BRINP3: variants seen among roughly 807,000 people sequenced by gnomAD.
BRINP3 encodes BMP/retinoic acid inducible neural specific 3.
In BRINP3, 19 loss-of-function variants were observed where a neutral mutation model predicts 71.0. The observed-to-expected ratio is 0.27, with a 90% CI of 0.19 to 0.39. The LOEUF is 0.39. Ranked by LOEUF, BRINP3 falls within the 10% of genes least tolerant of loss-of-function variation. The probability of loss-of-function intolerance (pLI) is 1.00; values close to 1 mark genes in which losing one functional copy is unlikely to be tolerated. For missense variants in BRINP3, 959 were observed against 940.8 expected, an observed-to-expected ratio of 1.02 and a Z score of -0.25; for synonymous variants, 380 against 337.7, an observed-to-expected ratio of 1.13 and a Z score of -1.37.
intron 6 of BRINP3, among the ~76,000 whole-genome samples, chr1:190,216,549 C>G (rs1410337842): frequency 6.6e-6 from 1 of 151,772 alleles, no homozygotes; most frequent in Non-Finnish European, 1.5e-5. Context: ...TTTTAAAATT[C>G]GCTGACACTT....
intron 4 of BRINP3, among the ~76,000 whole-genome samples, chr1:190,252,660 T>G (rs1660253088): frequency 6.6e-6 from 1 of 152,074 alleles, no homozygotes; most frequent in Admixed American, 6.6e-5. Context: ...AATTAGCATT[T>G]ATTGAGCTCC....
At chr1:190,453,310 T>G (rs1675771200) in intron 2 of BRINP3, among the ~76,000 whole-genome samples, 1 of 133,630 alleles carries the variant, frequency 7.5e-6, no homozygotes, top group Non-Finnish European at 1.5e-5. Flanking sequence ...AAGCTCCACC[T>G]CCCGAGTTCA....
intron 7 of BRINP3, among the ~76,000 whole-genome samples, chr1:190,121,874 C>A (rs988765995): frequency 6.6e-6 from 1 of 151,860 alleles, no homozygotes; most frequent in South Asian, 2.1e-4. Context: ...TAAATAAATG[C>A]AAGAGGAATT....
chr1:190,353,897 T>G (rs1668563518), intron 2 of BRINP3, among the ~76,000 whole-genome samples: 1 of 152,024 alleles, frequency 6.6e-6, no homozygotes, highest in African/African-American at 2.4e-5. Context: ...TTCTCTGTTT[T>G]ATCAGCTGAT....
intron 3 of BRINP3, among the ~76,000 whole-genome samples, chr1:190,279,747 G>C (rs1662894836): frequency 6.6e-6 from 1 of 151,764 alleles, no homozygotes; most frequent in African/African-American, 2.4e-5. Context: ...TCTTACTTGG[G>C]TACTGATTCT....
chr1:190,470,988 T>C (rs1007319147), intron 1 of BRINP3, among the ~76,000 whole-genome samples: 1 of 151,136 alleles, frequency 6.6e-6, no homozygotes, highest in Non-Finnish European at 1.5e-5. Flanking sequence ...ACATTAAGTG[T>C]AGAGGAGTGG....
At chr1:190,447,991 A>G (rs1305789465) in intron 2 of BRINP3, among the ~76,000 whole-genome samples, 2 of 151,704 alleles carry the variant, frequency 1.3e-5, no homozygotes, top group Non-Finnish European at 3.0e-5. Context: ...GCTTTTTAGT[A>G]TACATTTGTA....
At chr1:190,304,353 C>T (rs1007829569) in intron 2 of BRINP3, among the ~76,000 whole-genome samples, 2 of 151,670 alleles carry the variant, frequency 1.3e-5, no homozygotes, top group African/African-American at 4.8e-5. Flanking sequence ...TTATCCTTCA[C>T]AAATCATCAC....
At chr1:190,419,018 A>G (rs1488069916) in intron 2 of BRINP3, among the ~76,000 whole-genome samples, 2 of 152,058 alleles carry the variant, frequency 1.3e-5, no homozygotes, top group African/African-American at 4.8e-5. Context: ...TTTCATACAA[A>G]ATCTGAATTA....
intron 4 of BRINP3, among the ~76,000 whole-genome samples, chr1:190,251,772 T>A (rs1294575324): frequency 2.0e-5 from 3 of 150,640 alleles, no homozygotes; most frequent in Non-Finnish European, 4.4e-5. Context: ...TCACTTAATA[T>A]GATATTTAAC....
intron 2 of BRINP3, among the ~76,000 whole-genome samples, chr1:190,305,685 A>T (rs1217919105): frequency 6.6e-6 from 1 of 151,782 alleles, no homozygotes; most frequent in African/African-American, 2.4e-5. Flanking sequence ...TAGGATGACT[A>T]GTTAACAATG....
At chr1:190,192,894 T>G (rs993510027) in intron 6 of BRINP3, among the ~76,000 whole-genome samples, 3 of 152,118 alleles carry the variant, frequency 2.0e-5, no homozygotes, top group Non-Finnish European at 2.9e-5. Context: ...GGTAATAATG[T>G]ATTGTTTAAT....
In BRINP3 at chr1:190,425,462, A is replaced by C. The variant is rs375607695; in HGVS notation, c.236+29193T>G. Among the ~76,000 whole-genome samples the C allele has an allele frequency of 4.6e-5, 7 of 151,806 alleles. No individual in the cohort carries two copies. In the East Asian group the frequency reaches 9.7e-4, roughly 21 times the overall value. ...TCAATCAATCTCTAGTGGCCAATTT[A>C]TTTCAACAATGGAGAAAGCTCACAG... is the stretch of plus-strand genomic sequence containing the variant. On this transcript the variant is annotated intron_variant, in intron 2 of 7. Transcript: ENST00000367462.
At chr1:190,267,993 T>A (rs781670095) in intron 3 of BRINP3, among the ~76,000 whole-genome samples, 7 of 152,058 alleles carry the variant, frequency 4.6e-5, no homozygotes, top group Non-Finnish European at 7.4e-5. Context: ...TACAATATAT[T>A]TTACAATTAA....
At chr1:190,338,448 C>A (rs1667433932) in intron 2 of BRINP3, among the ~76,000 whole-genome samples, 2 of 152,046 alleles carry the variant, frequency 1.3e-5, no homozygotes, top group Admixed American at 6.6e-5. Flanking sequence ...GGCTACTTAT[C>A]ATTTCAACTC....
intron 2 of BRINP3, among the ~76,000 whole-genome samples, chr1:190,290,755 T>A (rs899934308): frequency 6.6e-6 from 1 of 152,116 alleles, no homozygotes; most frequent in African/African-American, 2.4e-5. Flanking sequence ...TAGAAATAAA[T>A]TCTCCGAGGC....
intron 2 of BRINP3, among the ~76,000 whole-genome samples, chr1:190,432,911 G>A (rs1674194155): frequency 1.3e-5 from 2 of 152,028 alleles, no homozygotes. Flanking sequence ...TATAAACATA[G>A]TCTATGTTTG....
intron 2 of BRINP3, among the ~76,000 whole-genome samples, chr1:190,413,740 A>AT (rs2102421470): frequency 6.6e-6 from 1 of 152,318 alleles, no homozygotes; most frequent in African/African-American, 2.4e-5. Flanking sequence ...TATTTCTATT[A>AT]TTTTAAGCCA....
chr1:190,180,862 A>G (rs1436606891), intron 6 of BRINP3, among the ~76,000 whole-genome samples: 2 of 152,106 alleles, frequency 1.3e-5, no homozygotes, highest in East Asian at 1.9e-4. Flanking sequence ...CAAAAAAAGT[A>G]CAGACATAAT....
Sources: gnomAD v4.1 joint callset for allele counts (sites outside exome capture counted in the v4.1 genomes callset) on GRCh38, gnomAD v4.1.1 for gene constraint, MANE v1.5 for transcripts, NCBI Gene and HGNC (gene_info 2026-07-23, HGNC 2026-07-21) for gene names.